The following DENND5B variants were observed in gnomAD, a reference collection of about 807,000 sequenced individuals.
DENND5B encodes DENN domain-containing protein 5B.
Under a neutral mutation model 140.6 loss-of-function variants are expected in DENND5B, and 34 were observed. The observed-to-expected ratio is 0.24, with a 90% confidence interval of 0.18 to 0.32. DENND5B has a LOEUF of 0.32. DENND5B is among the 10% of genes least tolerant of loss of function. The pLI, the probability that DENND5B is intolerant of heterozygous loss-of-function variation, is 1.00. For synonymous variants in DENND5B, 551 were observed against 562.1 expected, an observed-to-expected ratio of 0.98 and a Z score of 0.28; for missense variants, 1,142 against 1,560.2, an observed-to-expected ratio of 0.73 and a Z score of 4.52.
chr12:31,570,279 T>C (rs112197930), intron 1 of DENND5B, among the ~76,000 whole-genome samples: 3,509 of 144,378 alleles, frequency 0.024, 64 homozygotes, highest in African/African-American at 0.044. Flanking sequence ...TTCTCTCTCT[T>C]TTTTTTTTTT....
At chr12:31,451,840 A>G in intron 5 of DENND5B, 100 bp downstream of exon 5, 1 of 1,364,242 alleles carries the variant, frequency 7.3e-7, no homozygotes. Context: ...TCAATAATAT[A>G]TGGGTAAGCA....
At chr12:31,581,962 G>A (rs1950223196) in intron 1 of DENND5B, among the ~76,000 whole-genome samples, 1 of 151,842 alleles carries the variant, frequency 6.6e-6, no homozygotes. Context: ...TCAGTACGAT[G>A]CAAATTCCAT....
intron 8 of DENND5B, among the ~76,000 whole-genome samples, chr12:31,431,713 T>C (rs777079501): frequency 1.6e-4 from 24 of 152,150 alleles, no homozygotes; most frequent in Non-Finnish European, 3.2e-4. Context: ...AACGCTTAAA[T>C]AAAGGGGAGT....
intron 1 of DENND5B, among the ~76,000 whole-genome samples, chr12:31,514,604 T>G (rs544174685): frequency 7.0e-4 from 105 of 150,454 alleles, no homozygotes; most frequent in Non-Finnish European, 1.3e-3. Flanking sequence ...TCACTTGACA[T>G]TAGGAGTTTG....
At chr12:31,412,467 T>C (rs1025340267) in intron 13 of DENND5B, among the ~76,000 whole-genome samples, 4 of 152,158 alleles carry the variant, frequency 2.6e-5, no homozygotes, top group Non-Finnish European at 5.9e-5. Context: ...CATCAGTCAT[T>C]AGAGTCTCAT....
chr12:31,399,822 C>T (rs763466569), intron 15 of DENND5B, 50 bp from the exon 16 acceptor site: 2 of 1,421,474 alleles, frequency 1.4e-6, no homozygotes, highest in South Asian at 1.2e-5. Flanking sequence ...CATCCTGTTA[C>T]ATCTCAGCTT....
In DENND5B at chr12:31,413,499, G is replaced by C; in HGVS notation, c.2618C>G (p.Ser873Cys). ...CTGGGACAAGAGCTTCTTTTCTAGA[G>C]ACAGTCTTATCCACGCCCGAGCTCG... ...VGRARAWIRL[S>C]LEKKLLSQHL... Residue 873 changes from serine to cysteine, a missense_variant, in exon 13 of 21, where the codon TCT (serine) becomes TGT (cysteine). This residue lies in a region of DENND5B where 268 missense variants were observed against 349.2 expected (regional missense o/e 0.77). Transcript: ENST00000389082. 1.2e-6 allele frequency: 2 copies of C among 1,613,910 alleles called. No individual in the cohort carries two copies. Among genetic ancestry groups the C allele is most frequent in the Non-Finnish European group, 1.7e-6 (2 of 1,179,836 alleles).
chr12:31,485,644 C>T (rs965519076), intron 2 of DENND5B, among the ~76,000 whole-genome samples: 2 of 152,224 alleles, frequency 1.3e-5, no homozygotes, highest in African/African-American at 4.8e-5. Flanking sequence ...TGTATGCCCA[C>T]CCCTGGCCTA....
At chr12:31,393,878 T>C (rs1022172839) in intron 17 of DENND5B, among the ~76,000 whole-genome samples, 1 of 152,034 alleles carries the variant, frequency 6.6e-6, no homozygotes, top group Non-Finnish European at 1.5e-5. Context: ...TTAGTAGAAA[T>C]AGGGTTTTAC....
chr12:31,570,475 T>C (rs989371215), intron 1 of DENND5B, among the ~76,000 whole-genome samples: 8 of 151,270 alleles, frequency 5.3e-5, no homozygotes, highest in East Asian at 2.0e-4. Context: ...GACAGGGTTT[T>C]ACCATGTTAG....
intron 1 of DENND5B, among the ~76,000 whole-genome samples, chr12:31,498,111 C>T (rs1052234816): frequency 2.6e-5 from 4 of 152,118 alleles, no homozygotes; most frequent in Non-Finnish European, 5.9e-5. Flanking sequence ...ACAGCAACAG[C>T]GTAACTTCAT....
At chr12:31,437,386 G>A (rs1318153940) in intron 7 of DENND5B, among the ~76,000 whole-genome samples, 1 of 151,764 alleles carries the variant, frequency 6.6e-6, no homozygotes, top group Non-Finnish European at 1.5e-5. Flanking sequence ...CTCTGGCCTC[G>A]GCCTCCCAAA....
intron 1 of DENND5B, chr12:31,540,880 A>G (rs1262391): frequency 0.049 from 18,316 of 377,444 alleles, 1,299 homozygotes; most frequent in African/African-American, 0.22. Flanking sequence ...AGTCTAATAA[A>G]GAATGCAGAA....
chr12:31,445,288 G>A (rs932477430), intron 6 of DENND5B, among the ~76,000 whole-genome samples: 1 of 152,140 alleles, frequency 6.6e-6, no homozygotes. Flanking sequence ...CCAGAAATCA[G>A]ACCTGGATTC....
chr12:31,471,249 T>C (rs938871864), intron 3 of DENND5B, among the ~76,000 whole-genome samples: 1 of 152,192 alleles, frequency 6.6e-6, no homozygotes, highest in African/African-American at 2.4e-5. Context: ...CTTGGTTTTG[T>C]GGTTCCCCCA....
chr12:31,390,707 C>A (rs1565533054), intron 19 of DENND5B, among the ~76,000 whole-genome samples: 2 of 151,072 alleles, frequency 1.3e-5, no homozygotes, highest in African/African-American at 2.4e-5. Context: ...CTATACTGGA[C>A]AACACAGAGC....
At chr12:31,539,541 G>A (rs1221116805) in intron 1 of DENND5B, among the ~76,000 whole-genome samples, 2 of 151,994 alleles carry the variant, frequency 1.3e-5, no homozygotes, top group Non-Finnish European at 2.9e-5. Flanking sequence ...GACTAAATAG[G>A]ATTTATCCCA....
At chr12:31,487,382 T>C (rs1169912995) in intron 2 of DENND5B, among the ~76,000 whole-genome samples, 3 of 151,944 alleles carry the variant, frequency 2.0e-5, no homozygotes, top group Non-Finnish European at 2.9e-5. Context: ...AGTTAATGAG[T>C]TGCTCTGCTG....
At chr12:31,509,854 T>C (rs538336682) in intron 1 of DENND5B, among the ~76,000 whole-genome samples, 12 of 152,276 alleles carry the variant, frequency 7.9e-5, no homozygotes, top group Admixed American at 2.0e-4. Context: ...TTGAGCAAAC[T>C]TGAAGGAGAC....
Sources: gnomAD v4.1 joint callset for allele counts (sites outside exome capture counted in the v4.1 genomes callset) on GRCh38, gnomAD v4.1.1 for gene constraint, gnomAD v4.1.1 regional missense constraint, MANE v1.5 for transcripts, NCBI Gene and HGNC (gene_info 2026-07-23, HGNC 2026-07-21) for gene names.